The following CD44 variants were observed in gnomAD, a reference collection of about 807,000 sequenced individuals.
The protein encoded by CD44 is CD44 antigen.
In CD44, 49 loss-of-function variants were observed where a neutral mutation model predicts 88.8. The ratio of observed to expected loss-of-function variants is 0.55; its 90% CI spans 0.44 to 0.70. The LOEUF is 0.70. CD44 is among the 30% of genes least tolerant of loss of function. The pLI is 0.00. For synonymous variants in CD44, 325 were observed against 312.3 expected (o/e 1.04, Z -0.43); for missense variants, 883 against 913.8 (o/e 0.97, Z 0.43).
Position 35,229,139 on chromosome 11 carries a change from A to C in CD44, c.2035A>C (p.Lys679Gln), listed in dbSNP as rs1220447002. The part of the protein sequence containing the change: ...AVNSRRRCGQ[K>Q]KKLVINSGNG... ...TTTTTAAATTATTAGGTGTGGGCAG[A>C]AGAAAAAGCTAGTGATCAACAGTGG... The change falls in exon 18 of 18, where the codon AAG becomes CAG. Residue 679 changes from lysine (K) to glutamine (Q), a missense_variant. Around this residue, in one of 2 missense-constraint regions of CD44, gnomAD observed 631 missense variants for 590.9 expected, o/e 1.07. Transcript: ENST00000428726. 2 of 1,613,644 alleles carry C rather than the reference A, an allele frequency of 1.2e-6. No individual in the cohort carries two copies. Among genetic ancestry groups the C allele is most frequent in the Non-Finnish European group, 1.7e-6 (2 of 1,179,764 alleles).
At chr11:35,187,560 C>T (rs1439104879) in intron 4 of CD44, among the ~76,000 whole-genome samples, 1 of 152,010 alleles carries the variant, frequency 6.6e-6, no homozygotes, top group Non-Finnish European at 1.5e-5. Context: ...CATGGAAAAC[C>T]AACATCACAT....
At chr11:35,180,435 C>A (rs76393888) in intron 3 of CD44, 28 bp downstream of exon 3, 1 of 1,613,300 alleles carries the variant, frequency 6.2e-7, no homozygotes, top group Non-Finnish European at 8.5e-7. Context: ...TGTCTGTTGG[C>A]GTGAAAGGCT....
intron 15 of CD44, 68 bp from the exon 16 acceptor site, chr11:35,219,248 C>G (rs764683531): frequency 1.0e-5 from 12 of 1,168,624 alleles, no homozygotes; most frequent in Non-Finnish European, 1.5e-5. Context: ...GCCCTTTATG[C>G]AGCTCCACAA....
chr11:35,215,371 C>G (rs2134262410), intron 15 of CD44, among the ~76,000 whole-genome samples: 1 of 152,338 alleles, frequency 6.6e-6, no homozygotes, highest in South Asian at 2.1e-4. Flanking sequence ...TCTGAGACAA[C>G]ATTTCTCAAC....
rs539284737 is a variant in CD44, at chr11:35,143,978, A to G, written c.67+4608A>G. Among the ~76,000 whole-genome samples the G allele has an allele frequency of 6.6e-5, 10 of 152,374 alleles. No homozygotes were observed. The South Asian group carries it at 2.1e-3, about 32-fold the overall frequency. ...GACCAGGCAAGCATTTCACATGCAC[A>G]GACCCAGAGACCCACTCCTCACATG... is the stretch of plus-strand genomic sequence containing the variant. On this transcript the variant is annotated intron_variant, in intron 1 of 17. Coordinates refer to ENST00000428726, the MANE Select transcript of CD44 (RefSeq NM_000610.4).
intron 14 of CD44, chr11:35,213,922 G>T (rs1026085676): frequency 6.6e-6 from 1 of 152,006 alleles, no homozygotes; most frequent in African/African-American, 2.4e-5. Flanking sequence ...TGACGATCAG[G>T]TTACTATAGA....
At chr11:35,151,982 A>G (rs1417636291) in intron 1 of CD44, among the ~76,000 whole-genome samples, 1 of 152,242 alleles carries the variant, frequency 6.6e-6, no homozygotes, top group Non-Finnish European at 1.5e-5. Context: ...CTTCAACTGC[A>G]AACTGAGAAG....
chr11:35,173,123 A>G (rs994344091), intron 1 of CD44, among the ~76,000 whole-genome samples: 3 of 152,368 alleles, frequency 2.0e-5, no homozygotes, highest in Non-Finnish European at 2.9e-5. Context: ...GAAAGAAACT[A>G]CCATTGAGCT....
chr11:35,154,529 A>G (rs1941598870), intron 1 of CD44, among the ~76,000 whole-genome samples: 1 of 152,248 alleles, frequency 6.6e-6, no homozygotes, highest in South Asian at 2.1e-4. Flanking sequence ...ATATTTAAAA[A>G]TTAGTAGAGT....
rs752518319 is a variant in CD44, at chr11:35,219,400, C to T, written c.1945+13C>T. 2 of 1,604,862 alleles carry T rather than the reference C, an allele frequency of 1.2e-6. No homozygotes were observed. Among genetic ancestry groups the T allele is most frequent in the East Asian group, 4.5e-5 (2 of 44,712 alleles). On this transcript the variant is annotated intron_variant, in intron 16 of 17. Transcript: ENST00000428726. The stretch of plus-strand genomic sequence containing the variant: ...CCCCAAATTCCAGGTGAGTTTCAAA[C>T]TTTGAGGCAGAAAAACACACTGAAA...
intron 1 of CD44, among the ~76,000 whole-genome samples, chr11:35,143,146 A>G (rs1858343526): frequency 6.6e-6 from 1 of 152,078 alleles, no homozygotes; most frequent in African/African-American, 2.4e-5. Context: ...GTTTAATACA[A>G]TAATAATGAT....
chr11:35,189,355 G>C (rs192886405), intron 4 of CD44, among the ~76,000 whole-genome samples: 5 of 152,314 alleles, frequency 3.3e-5, no homozygotes, highest in Admixed American at 2.0e-4. Flanking sequence ...CCCTGCTGAG[G>C]CTATTAGTCT....
intron 11 of CD44, 82 bp downstream of exon 11, chr11:35,206,325 CT>C (rs1383213445): frequency 7.0e-7 from 1 of 1,427,578 alleles, no homozygotes; most frequent in Non-Finnish European, 9.4e-7. Context: ...GAAATATGCC[CT>C]TGGTTTTAGA....
At chr11:35,204,692 A>G in intron 10 of CD44, 52 bp downstream of exon 10, 1 of 1,541,710 alleles carries the variant, frequency 6.5e-7, no homozygotes, top group African/African-American at 1.4e-5. Flanking sequence ...TTTTGGGTTA[A>G]ACGGTAGACA....
At chr11:35,212,346 TCTCTC>T (rs1193856640) in intron 14 of CD44, among the ~76,000 whole-genome samples, 5 of 152,086 alleles carry the variant, frequency 3.3e-5, no homozygotes, top group Non-Finnish European at 7.4e-5. Context: ...GCAGAGATCT[TCTCTC>T]CTCCCCCCAA....
chr11:35,170,341 T>C (rs1943740114), intron 1 of CD44, among the ~76,000 whole-genome samples: 1 of 152,174 alleles, frequency 6.6e-6, no homozygotes, highest in Non-Finnish European at 1.5e-5. Flanking sequence ...AAACCTTCTT[T>C]CAGAGCTCCT....
intron 12 of CD44, among the ~76,000 whole-genome samples, chr11:35,208,892 T>G (rs1393053688): frequency 1.3e-5 from 2 of 152,162 alleles, no homozygotes. Flanking sequence ...TTTTACTGCT[T>G]GCCACACATA....
intron 5 of CD44, among the ~76,000 whole-genome samples, chr11:35,192,737 C>G (rs189072157): frequency 3.3e-5 from 5 of 151,592 alleles, no homozygotes; most frequent in Non-Finnish European, 5.9e-5. Context: ...GAAGCAGACT[C>G]CTGCCTTGGA....
At chr11:35,195,427 G>A (rs1465222961) in intron 5 of CD44, among the ~76,000 whole-genome samples, 1 of 151,834 alleles carries the variant, frequency 6.6e-6, no homozygotes, top group African/African-American at 2.4e-5. Flanking sequence ...GGTGGGGAGG[G>A]GGGATACAGA....
Sources: gnomAD v4.1 joint callset for allele counts (sites outside exome capture counted in the v4.1 genomes callset) on GRCh38, gnomAD v4.1.1 for gene constraint, gnomAD v4.1.1 regional missense constraint, MANE v1.5 for transcripts, NCBI Gene and HGNC (gene_info 2026-07-23, HGNC 2026-07-21) for gene names.